Variants in PDZRN4 observed in about 807,000 individuals in gnomAD.
PDZRN4 encodes PDZ domain containing ring finger 4.
PDZRN4 carries 70 observed loss-of-function variants against 99.0 expected under a neutral mutation model. That is an observed-to-expected ratio of 0.71 (90% CI 0.58 to 0.86). The LOEUF is 0.86. PDZRN4 is among the 40% of genes least tolerant of loss of function. The pLI is 0.00. For synonymous variants in PDZRN4, 551 were observed against 501.6 expected, an observed-to-expected ratio of 1.10 and a Z score of -1.32; for missense variants, 1,474 against 1,331.2, an observed-to-expected ratio of 1.11 and a Z score of -1.67.
intron 3 of PDZRN4, among the ~76,000 whole-genome samples, chr12:41,320,921 T>G (rs1159665600): frequency 6.6e-6 from 1 of 152,140 alleles, no homozygotes; most frequent in African/African-American, 2.4e-5. Flanking sequence ...TAATTTTTAT[T>G]TTGTTCTTTT....
At chr12:41,205,514 T>C (rs1950842998) in intron 3 of PDZRN4, among the ~76,000 whole-genome samples, 1 of 151,902 alleles carries the variant, frequency 6.6e-6, no homozygotes, top group South Asian at 2.1e-4. Flanking sequence ...TCTCTTTCAG[T>C]TTCAGAATGC....
chr12:41,536,875 A>T (rs566707359), intron 5 of PDZRN4, among the ~76,000 whole-genome samples: 52 of 152,204 alleles, frequency 3.4e-4, no homozygotes, highest in African/African-American at 1.2e-3. Context: ...TATGTTTAAC[A>T]AAAAGAAGCA....
chr12:41,530,088 A>G (rs1040661870), intron 5 of PDZRN4, among the ~76,000 whole-genome samples: 3 of 152,072 alleles, frequency 2.0e-5, no homozygotes, highest in African/African-American at 7.2e-5. Flanking sequence ...GAACAACGGC[A>G]TAAGACTTCC....
At chr12:41,208,522 T>C (rs777301224) in intron 3 of PDZRN4, among the ~76,000 whole-genome samples, 3 of 151,982 alleles carry the variant, frequency 2.0e-5, no homozygotes, top group African/African-American at 2.4e-5. Flanking sequence ...TCTTTGTCAG[T>C]AGCAGCTGAA....
intron 9 of PDZRN4, among the ~76,000 whole-genome samples, chr12:41,569,574 C>T (rs1223882733): frequency 2.6e-5 from 4 of 152,164 alleles, no homozygotes; most frequent in Admixed American, 6.5e-5. Context: ...ATTCTTAACA[C>T]ATCTTAAAAG....
intron 3 of PDZRN4, among the ~76,000 whole-genome samples, chr12:41,394,064 A>G (rs1277797476): frequency 6.6e-6 from 1 of 152,198 alleles, no homozygotes; most frequent in Non-Finnish European, 1.5e-5. Flanking sequence ...TAGATGTCTG[A>G]GATCAGAGTG....
chr12:41,293,566 TCTC>T (rs1429716667), intron 3 of PDZRN4, among the ~76,000 whole-genome samples: 2 of 152,004 alleles, frequency 1.3e-5, no homozygotes, highest in South Asian at 2.1e-4. Flanking sequence ...CTTTAACTGT[TCTC>T]CTCCTGTTTC....
Position 41,564,643 on chromosome 12 carries a change from T to C in PDZRN4, c.1467+994T>C, listed in dbSNP as rs546226898. On this transcript the variant is annotated intron_variant, in intron 8 of 9. Transcript: ENST00000402685. ...TCTGCATATATTTCGTTTATGCCCTTGCCCATTCTAAATGGTTCTCATAAA... is the reference window on the plus strand; with the variant it reads ...TCTGCATATATTTCGTTTATGCCCTCGCCCATTCTAAATGGTTCTCATAAA... 4.6e-5 allele frequency among the ~76,000 whole-genome samples: 7 copies of C among 152,280 alleles called. No homozygotes were observed. The South Asian group carries it at 1.5e-3, about 32-fold the overall frequency.
intron 3 of PDZRN4, among the ~76,000 whole-genome samples, chr12:41,343,540 T>C (rs980054579): frequency 1.3e-5 from 2 of 151,842 alleles, no homozygotes; most frequent in African/African-American, 4.8e-5. Context: ...GTTTTTATCA[T>C]GGAAGAAGAG....
chr12:41,424,504 A>T (rs939336323), intron 3 of PDZRN4, among the ~76,000 whole-genome samples: 4 of 152,180 alleles, frequency 2.6e-5, no homozygotes, highest in Non-Finnish European at 5.9e-5. Context: ...GTCTTTACAC[A>T]AAATTGGTTG....
intron 3 of PDZRN4, among the ~76,000 whole-genome samples, chr12:41,425,807 A>G (rs2120422195): frequency 6.6e-6 from 1 of 152,302 alleles, no homozygotes; most frequent in East Asian, 1.9e-4. Context: ...AAAGCCTATC[A>G]AAATATAGTG....
In PDZRN4 at chr12:41,373,810, GA is replaced by G. The variant is rs370027051; in HGVS notation, c.844-132643del. 6.8e-4 allele frequency among the ~76,000 whole-genome samples: 103 copies of G among 152,274 alleles called. 1 individual carries two copies. The highest frequency in any genetic ancestry group is 2.5e-3 in the African/African-American group (102 of 41,570). The stretch of plus-strand genomic sequence containing the variant: ...GATTGGGGAAGTGATAAGTGTCCAT[GA>G]AATCTTCACAGTTTATGTTCAGAGA... On this transcript the variant is annotated intron_variant, in intron 3 of 9. Transcript: ENST00000402685.
At chr12:41,453,034 C>CAG (rs368761608) in intron 3 of PDZRN4, among the ~76,000 whole-genome samples, 310 of 152,190 alleles carry the variant, frequency 2.0e-3, no homozygotes, top group Middle Eastern at 3.4e-3. Context: ...GATCTGATGG[C>CAG]AGAGAGAGCT....
At chr12:41,432,500 T>G (rs753717100) in intron 3 of PDZRN4, among the ~76,000 whole-genome samples, 2 of 152,206 alleles carry the variant, frequency 1.3e-5, no homozygotes, top group Non-Finnish European at 2.9e-5. Context: ...ATCCCCCAGT[T>G]ACACTCATTA....
chr12:41,254,074 T>A (rs1449834744), intron 3 of PDZRN4, among the ~76,000 whole-genome samples: 1 of 151,748 alleles, frequency 6.6e-6, no homozygotes, highest in African/African-American at 2.4e-5. Flanking sequence ...TGTGTGTTTA[T>A]TACCTTTGAA....
At chr12:41,432,213 A>G (rs536120998) in intron 3 of PDZRN4, among the ~76,000 whole-genome samples, 1 of 152,370 alleles carries the variant, frequency 6.6e-6, no homozygotes, top group Admixed American at 6.5e-5. Context: ...CAACTGACAA[A>G]GCACATTTGA....
At chr12:41,255,380 C>T (rs1951197187) in intron 3 of PDZRN4, among the ~76,000 whole-genome samples, 1 of 152,062 alleles carries the variant, frequency 6.6e-6, no homozygotes, top group Non-Finnish European at 1.5e-5. Flanking sequence ...TCATGGCCTG[C>T]TGGTGAATCC....
intron 3 of PDZRN4, among the ~76,000 whole-genome samples, chr12:41,419,802 G>A (rs1387623230): frequency 6.6e-6 from 1 of 152,212 alleles, no homozygotes; most frequent in Admixed American, 6.5e-5. Context: ...GCTGTCAGAT[G>A]CATGCAGCAC....
chr12:41,454,486 A>G (rs183423621), intron 3 of PDZRN4, among the ~76,000 whole-genome samples: 28 of 152,376 alleles, frequency 1.8e-4, no homozygotes, highest in Admixed American at 9.8e-4. Flanking sequence ...ATAAATAAAT[A>G]ATATGAGACT....
Sources: allele counts gnomAD v4.1 joint callset (sites outside exome capture counted in the v4.1 genomes callset), GRCh38; gene constraint gnomAD v4.1.1; transcripts MANE v1.5; gene names NCBI Gene and HGNC (gene_info 2026-07-23, HGNC 2026-07-21).